ALDH1A3: variants seen among roughly 807,000 people sequenced by gnomAD.
The protein encoded by ALDH1A3 is aldehyde dehydrogenase 1 family member A3.
Under a neutral mutation model 57.5 loss-of-function variants are expected in ALDH1A3, and 28 were observed. The observed-to-expected ratio is 0.49, with a 90% CI of 0.36 to 0.67. The LOEUF is 0.67. Ranked by LOEUF, ALDH1A3 falls within the 30% of genes least tolerant of loss-of-function variation. ALDH1A3 has a pLI of 0.00. For synonymous variants in ALDH1A3, 281 were observed against 264.8 expected, an observed-to-expected ratio of 1.06 and a Z score of -0.59; for missense variants, 507 against 669.4, an observed-to-expected ratio of 0.76 and a Z score of 2.68.
chr15:100,911,818 A>C (rs747718112), intron 12 of ALDH1A3, among the ~76,000 whole-genome samples: 15 of 152,256 alleles, frequency 9.9e-5, no homozygotes, highest in Non-Finnish European at 2.1e-4. Flanking sequence ...TCTTAAAGGA[A>C]TGCTGTAATC....
chr15:100,898,278 T>A, intron 8 of ALDH1A3, 93 bp downstream of exon 8: 1 of 1,120,962 alleles, frequency 8.9e-7, no homozygotes, highest in Non-Finnish European at 1.3e-6. Flanking sequence ...CAACTGAGAG[T>A]AAGATGTGTG....
intron 8 of ALDH1A3, among the ~76,000 whole-genome samples, chr15:100,898,796 G>A (rs1171499708): frequency 2.0e-5 from 3 of 152,192 alleles, no homozygotes; most frequent in Non-Finnish European, 4.4e-5. Context: ...ACAGCCAAAC[G>A]ACACAGCGTT....
intron 3 of ALDH1A3, 106 bp from the exon 4 acceptor site, chr15:100,892,404 C>A: frequency 1.4e-6 from 2 of 1,478,438 alleles, no homozygotes; most frequent in South Asian, 2.5e-5. Context: ...GTCTACAGAG[C>A]AATGTCCTAG....
At chr15:100,903,518 A>C (rs566587625) in intron 9 of ALDH1A3, among the ~76,000 whole-genome samples, 144 of 152,366 alleles carry the variant, frequency 9.5e-4, no homozygotes, top group African/African-American at 3.3e-3. Flanking sequence ...TCACACACAC[A>C]CAAGGAAATC....
At chr15:100,896,947 C>A (rs2041710514) in intron 7 of ALDH1A3, among the ~76,000 whole-genome samples, 2 of 152,162 alleles carry the variant, frequency 1.3e-5, no homozygotes, top group African/African-American at 4.8e-5. Context: ...TTACTGATGG[C>A]CACCTATGGG....
At position 100,887,270 on chromosome 15, in the gene ALDH1A3, G is replaced by T. The variant is rs1412122886; in HGVS notation, c.205-302G>T. ...CCAAACTGCAGTCACGTCAAAAGAT[G>T]ACACCCAAACTGCAGTCACCTCAAA... On this transcript the variant is annotated intron_variant, in intron 2 of 12. Transcript: ENST00000329841. This position sits in a 1 kb window ranked among gnomAD's most constrained non-coding sequence, Gnocchi z 4.6. 6.6e-6 allele frequency among the ~76,000 whole-genome samples: 1 copy of T among 151,676 alleles called. No homozygotes were observed. Among genetic ancestry groups the T allele is most frequent in the Admixed American group, 6.6e-5 (1 of 15,228 alleles).
At position 100,891,181 on chromosome 15, in the gene ALDH1A3, T is replaced by C. The variant is rs116519841; in HGVS notation, c.346-1329T>C. Among the ~76,000 whole-genome samples the C allele has an allele frequency of 7.2e-3, 1,103 of 152,344 alleles. 14 individuals are homozygous for C. Among genetic ancestry groups the C allele is most frequent in the African/African-American group, 0.025 (1,049 of 41,576 alleles). ...GGCGGGCACTGTGGTTGCTGCTCTG[T>C]GGACACTGACTCCTTTCACTCTAAC... On this transcript the variant is annotated intron_variant, in intron 3 of 12. Coordinates refer to ENST00000329841, the MANE Select transcript of ALDH1A3 (RefSeq NM_000693.4).
chr15:100,908,355 G>C, intron 11 of ALDH1A3, 53 bp from the exon 12 acceptor site: 1 of 1,501,044 alleles, frequency 6.7e-7, no homozygotes, highest in Middle Eastern at 1.7e-4. Flanking sequence ...GCAGTGCCAG[G>C]AGCCAGGGGG....
At chr15:100,900,215 G>T (rs1347116943) in intron 8 of ALDH1A3, among the ~76,000 whole-genome samples, 1 of 152,174 alleles carries the variant, frequency 6.6e-6, no homozygotes, top group Admixed American at 6.5e-5. Context: ...AATAATTACC[G>T]AAGTTTATTC....
At chr15:100,883,755 G>A (rs756756981) in intron 1 of ALDH1A3, among the ~76,000 whole-genome samples, 4 of 151,856 alleles carry the variant, frequency 2.6e-5, no homozygotes, top group Non-Finnish European at 5.9e-5. Flanking sequence ...TTTGCTGCAT[G>A]GATCAACCCA....
rs1469879690 is a variant in ALDH1A3 at position 100,894,134 on chromosome 15, C to G, written c.666+52C>G. The G allele has an allele frequency of 6.3e-6, 10 of 1,598,494 alleles. No homozygotes were observed. Among genetic ancestry groups the G allele is most frequent in the Non-Finnish European group, 8.5e-6 (10 of 1,171,604 alleles). ...CATGTTCTTGGTAACATTCCCACTC[C>G]TAGGAACCAGGCCACCGTCACGAGA... On this transcript the variant is annotated intron_variant, in intron 6 of 12. Coordinates refer to ENST00000329841, the MANE Select transcript of ALDH1A3 (RefSeq NM_000693.4). The surrounding 1 kb of genome is among the most constrained non-coding windows in gnomAD (Gnocchi z 4.5).
intron 7 of ALDH1A3, among the ~76,000 whole-genome samples, chr15:100,897,765 G>A (rs557424407): frequency 6.6e-6 from 1 of 152,372 alleles, no homozygotes; most frequent in African/African-American, 2.4e-5. Context: ...GCTGGGCTCA[G>A]AAGGACAGGC....
chr15:100,880,013 C>T lies in ALDH1A3; in HGVS notation c.99+7C>T, dbSNP rs780340181. 6.9e-7 allele frequency: 1 copy of T among 1,454,248 alleles called. No individual in the cohort carries two copies. Among genetic ancestry groups the T allele is most frequent in the Non-Finnish European group, 9.1e-7 (1 of 1,098,568 alleles). 90.1% of individuals were successfully genotyped at this position (1,454,248 alleles called of 1,614,324 possible). On this transcript the variant is annotated splice_region_variant and intron_variant, in intron 1 of 12. Coordinates refer to ENST00000329841, the MANE Select transcript of ALDH1A3 (RefSeq NM_000693.4). ...GGAGGTCAAGTTCACCAAGGTGAGG[C>T]GGGCGCCCCTCCCACCCGACGGCCG...
At chr15:100,892,433 A>C (rs577964714) in intron 3 of ALDH1A3, 77 bp from the exon 4 acceptor site, 3 of 1,598,114 alleles carry the variant, frequency 1.9e-6, no homozygotes, top group East Asian at 4.5e-5. Flanking sequence ...TCTCTCCCCA[A>C]CTTCCATCTT....
Position 100,915,042 on chromosome 15 carries a change from G to T in ALDH1A3, c.*269G>T. ...GTGTTTCCCTTTAAACCAGATCCTG[G>T]AGACAGTGAGATACTCAGGGCGTTG... is the stretch of plus-strand genomic sequence containing the variant. On this transcript the variant is annotated 3_prime_UTR_variant, in exon 13 of 13. Transcript: ENST00000329841. 2.2e-6 allele frequency: 1 copy of T among 461,002 alleles called. No homozygotes were observed. The highest frequency in any genetic ancestry group is 4.0e-6 in the Non-Finnish European group (1 of 251,112). The allele number at this position is 461,002 out of a possible 1,614,324, so 28.6% of individuals were successfully genotyped here.
rs771026331 is a variant in ALDH1A3 at position 100,898,113 on chromosome 15, C to T, written c.811C>T (p.Arg271Trp). The change falls in exon 8 of 13, where the codon CGG becomes TGG. Residue 271 changes from arginine (R) to tryptophan (W), a missense_variant. This residue lies in a region of ALDH1A3 where 432 missense variants were observed against 608.4 expected (regional missense o/e 0.71). Coordinates refer to ENST00000329841, the MANE Select transcript of ALDH1A3 (RefSeq NM_000693.4). The part of the protein sequence containing the change: ...VGKLVKEAAS[R>W]SNLKRVTLEL... ...AAAACTGGTTAAAGAAGCTGCGTCCCGGAGCAATCTGAAGCGGGTGACGCT... is the reference window on the plus strand; with the variant it reads ...AAAACTGGTTAAAGAAGCTGCGTCCTGGAGCAATCTGAAGCGGGTGACGCT... The T allele has an allele frequency of 9.9e-6, 16 of 1,614,062 alleles. No individual in the cohort carries two copies. Among genetic ancestry groups the T allele is most frequent in the South Asian group, 3.3e-5 (3 of 91,036 alleles).
intron 3 of ALDH1A3, among the ~76,000 whole-genome samples, chr15:100,891,109 GTAA>G (rs2041644749): frequency 1.3e-5 from 2 of 152,336 alleles, no homozygotes; most frequent in Non-Finnish European, 2.9e-5. Context: ...GATAGTCAGT[GTAA>G]TCATCAGTGT....
chr15:100,893,445 A>G lies in ALDH1A3; in HGVS notation c.537+439A>G. 1 of 173,884 alleles carries G rather than the reference A, an allele frequency of 5.8e-6. No individual in the cohort carries two copies. The highest frequency in any genetic ancestry group is 1.2e-5 in the Non-Finnish European group (1 of 81,922). The allele number at this position is 173,884 out of a possible 1,614,324, so 10.8% of individuals were successfully genotyped here. A position where few individuals can be genotyped will look rare whatever the true frequency, so the allele number is the denominator to read the frequency against. On this transcript the variant is annotated intron_variant, in intron 5 of 12. Transcript: ENST00000329841. The surrounding 1 kb of genome is among the most constrained non-coding windows in gnomAD (Gnocchi z 4.8). ...TCAGGCAGGAGCAAAAGTGAGGAAA[A>G]GGGTGAGCACACGTGGCAGGTGGTG...
In ALDH1A3 at chr15:100,893,927, CT is replaced by C. The variant is rs1270253306; in HGVS notation, c.538-26del. 6.2e-7 allele frequency: 1 copy of C among 1,611,158 alleles called. No individual in the cohort carries two copies. The highest frequency in any genetic ancestry group is 1.3e-5 in the African/African-American group (1 of 74,966). ...ACAGGGTAAGAGGGTGGATCTGGGC[CT>C]CCAAAGCCCCTGTGCTCTGTCGCAG... On this transcript the variant is annotated intron_variant, in intron 5 of 12. Coordinates refer to ENST00000329841, the MANE Select transcript of ALDH1A3 (RefSeq NM_000693.4). The surrounding 1 kb of genome is among the most constrained non-coding windows in gnomAD (Gnocchi z 4.8).
Sources: gnomAD v4.1 joint callset for allele counts (sites outside exome capture counted in the v4.1 genomes callset) on GRCh38, gnomAD v4.1.1 for gene constraint, gnomAD v4.1.1 regional missense constraint, Gnocchi (gnomAD v3.1) non-coding constraint, MANE v1.5 for transcripts, NCBI Gene and HGNC (gene_info 2026-07-23, HGNC 2026-07-21) for gene names.